Variants in SGCZ observed in about 807,000 individuals in gnomAD.
SGCZ encodes the protein zeta-sarcoglycan.
Under a neutral mutation model 41.3 loss-of-function variants are expected in SGCZ, and 40 were observed. That is an observed-to-expected ratio of 0.97 (90% CI 0.75 to 1.26). The LOEUF is 1.26. Among genes scored for constraint, SGCZ ranks in the 50% most tolerant of loss-of-function variants. The pLI, the probability that SGCZ is intolerant of heterozygous loss-of-function variation, is 0.00. For missense variants in SGCZ, 552 were observed against 369.8 expected (o/e 1.49, Z -4.04); for synonymous variants, 206 against 137.5 (o/e 1.50, Z -3.49).
rs890280502 is a variant in SGCZ at position 14,176,873 on chromosome 8, T to A, written c.425-12171A>T. On this transcript the variant is annotated intron_variant, in intron 4 of 7. Coordinates refer to ENST00000382080, the MANE Select transcript of SGCZ (RefSeq NM_139167.4). The stretch of plus-strand genomic sequence containing the variant: ...ATTTGGAGACAGGAGGCAGTGAGGA[T>A]CTTGAAAGCTCTCCTGTTGCCATCC... 2.6e-5 allele frequency among the ~76,000 whole-genome samples: 4 copies of A among 152,144 alleles called. 1 individual carries two copies. The highest frequency in any genetic ancestry group is 4.8e-5 in the African/African-American group (2 of 41,432).
intron 1 of SGCZ, among the ~76,000 whole-genome samples, chr8:14,725,103 T>A (rs1810008231): frequency 6.6e-6 from 1 of 152,154 alleles, no homozygotes; most frequent in Non-Finnish European, 1.5e-5. Context: ...ACAGTATTTG[T>A]CTTTCTGTGC....
At chr8:14,244,662 G>T (rs890320792) in intron 3 of SGCZ, among the ~76,000 whole-genome samples, 18 of 151,654 alleles carry the variant, frequency 1.2e-4, no homozygotes, top group African/African-American at 4.4e-4. Context: ...GGATGGCATA[G>T]AATCTATAAA....
intron 1 of SGCZ, among the ~76,000 whole-genome samples, chr8:14,979,163 T>C (rs1801582917): frequency 6.6e-6 from 1 of 152,204 alleles, no homozygotes; most frequent in African/African-American, 2.4e-5. Flanking sequence ...TTAAAAATTA[T>C]GAATACACTA....
intron 5 of SGCZ, among the ~76,000 whole-genome samples, chr8:14,148,649 A>T (rs758235747): frequency 1.3e-5 from 2 of 152,190 alleles, no homozygotes; most frequent in Non-Finnish European, 2.9e-5. Flanking sequence ...AAACTATTCC[A>T]GGAAATGGAA....
At position 14,925,094 on chromosome 8, in the gene SGCZ, G is replaced by C. The variant is rs115004676; in HGVS notation, c.39+312491C>G. On this transcript the variant is annotated intron_variant, in intron 1 of 7. Coordinates refer to ENST00000382080, the MANE Select transcript of SGCZ (RefSeq NM_139167.4). ...GCTGCTCTCGAACTCCTGAGCTTAA[G>C]TGATCCACCTGCCTCACCCTCCCAA... 5.7e-3 allele frequency among the ~76,000 whole-genome samples: 862 copies of C among 152,196 alleles called. 8 individuals are homozygous for C. Among genetic ancestry groups the C allele is most frequent in the African/African-American group, 0.02 (822 of 41,542 alleles).
At chr8:14,177,691 T>A (rs1804586269) in intron 4 of SGCZ, among the ~76,000 whole-genome samples, 1 of 146,920 alleles carries the variant, frequency 6.8e-6, no homozygotes, top group Admixed American at 6.8e-5. Flanking sequence ...TTTTTTTTTT[T>A]TTTTTTGTAT....
At chr8:14,381,672 G>A (rs10101194) in intron 2 of SGCZ, among the ~76,000 whole-genome samples, 2,239 of 151,848 alleles carry the variant, frequency 0.015, 57 homozygotes, top group African/African-American at 0.051. Context: ...CCAGCTACTT[G>A]TTACTTGGGA....
intron 2 of SGCZ, among the ~76,000 whole-genome samples, chr8:14,360,645 T>A (rs1803477744): frequency 6.6e-6 from 1 of 152,130 alleles, no homozygotes; most frequent in African/African-American, 2.4e-5. Context: ...TTTATTTATT[T>A]ATTTTTTATC....
chr8:14,412,509 C>T (rs142206977), intron 2 of SGCZ, among the ~76,000 whole-genome samples: 1 of 152,090 alleles, frequency 6.6e-6, no homozygotes, highest in Non-Finnish European at 1.5e-5. Context: ...TGCTGCCAGG[C>T]CTTGCCTTTT....
At chr8:15,110,312 GA>G (rs1252889711) in intron 1 of SGCZ, among the ~76,000 whole-genome samples, 2 of 152,160 alleles carry the variant, frequency 1.3e-5, no homozygotes, top group African/African-American at 4.8e-5. Flanking sequence ...GATGATTAAA[GA>G]GATACATTCG....
chr8:14,167,899 G>A (rs954788072), intron 4 of SGCZ, among the ~76,000 whole-genome samples: 4 of 151,892 alleles, frequency 2.6e-5, no homozygotes, highest in African/African-American at 7.3e-5. Context: ...ACAGTACATC[G>A]GTCAAATACA....
At chr8:14,143,662 A>C (rs1202294810) in intron 5 of SGCZ, among the ~76,000 whole-genome samples, 1 of 152,198 alleles carries the variant, frequency 6.6e-6, no homozygotes, top group East Asian at 1.9e-4. Flanking sequence ...AATCACCTTC[A>C]TAAGAACCAA....
chr8:14,619,069 G>A (rs1244251503), intron 1 of SGCZ, among the ~76,000 whole-genome samples: 1 of 152,080 alleles, frequency 6.6e-6, no homozygotes, highest in South Asian at 2.1e-4. Flanking sequence ...TTTTCACACC[G>A]TTATAAAGAA....
intron 1 of SGCZ, among the ~76,000 whole-genome samples, chr8:14,884,533 T>C (rs1229117416): frequency 6.6e-6 from 1 of 152,016 alleles, no homozygotes; most frequent in East Asian, 1.9e-4. Context: ...CAAGACATTT[T>C]GCATATAGAT....
intron 1 of SGCZ, among the ~76,000 whole-genome samples, chr8:14,575,587 A>C: frequency 6.6e-6 from 1 of 152,218 alleles, no homozygotes; most frequent in East Asian, 1.9e-4. Context: ...GGTTTATTTA[A>C]AGAGTGGAAC....
chr8:15,192,978 A>G (rs1288576582), intron 1 of SGCZ, among the ~76,000 whole-genome samples: 1 of 152,118 alleles, frequency 6.6e-6, no homozygotes, highest in Admixed American at 6.5e-5. Flanking sequence ...CAAATGACAC[A>G]CTTTACCCAT....
At chr8:14,112,995 C>T (rs185010902) in intron 5 of SGCZ, among the ~76,000 whole-genome samples, 59 of 152,114 alleles carry the variant, frequency 3.9e-4, no homozygotes, top group Admixed American at 7.2e-4. Context: ...AAATTTATTA[C>T]CTCTCGAAAG....
At chr8:14,662,277 A>C (rs1807778122) in intron 1 of SGCZ, among the ~76,000 whole-genome samples, 1 of 152,206 alleles carries the variant, frequency 6.6e-6, no homozygotes, top group Non-Finnish European at 1.5e-5. Context: ...CTTTGGATTC[A>C]AACAGATGTT....
chr8:14,102,285 C>T, intron 7 of SGCZ, 91 bp downstream of exon 7: 2 of 1,238,502 alleles, frequency 1.6e-6, no homozygotes, highest in Non-Finnish European at 1.0e-6. Flanking sequence ...GAAAGATATT[C>T]CTTCACAAGT....
Sources: allele counts gnomAD v4.1 joint callset (sites outside exome capture counted in the v4.1 genomes callset), GRCh38; gene constraint gnomAD v4.1.1; transcripts MANE v1.5; gene names NCBI Gene and HGNC (gene_info 2026-07-23, HGNC 2026-07-21).